CTNNA3: variants seen among roughly 807,000 people sequenced by gnomAD.
CTNNA3 encodes the protein catenin alpha 3.
CTNNA3 carries 76 observed loss-of-function variants against 95.7 expected under a neutral mutation model. The observed-to-expected ratio is 0.79, with a 90% confidence interval of 0.66 to 0.96. The LOEUF (loss-of-function observed/expected upper bound fraction) is 0.96. CTNNA3 is among the 40% of genes least tolerant of loss of function. CTNNA3 has a pLI of 0.00. For missense variants in CTNNA3, 1,191 were observed against 1,089.8 expected, an observed-to-expected ratio of 1.09 and a Z score of -1.31; for synonymous variants, 431 against 374.4, an observed-to-expected ratio of 1.15 and a Z score of -1.74.
chr10:66,918,725 T>G (rs10822941), intron 7 of CTNNA3, among the ~76,000 whole-genome samples: 48,683 of 152,150 alleles, frequency 0.32, 9,135 homozygotes, highest in East Asian at 0.47. Flanking sequence ...CTTGAAGAAC[T>G]TGTTAATTTT....
chr10:66,205,275 C>G (rs12764666), intron 13 of CTNNA3, among the ~76,000 whole-genome samples: 3 of 151,784 alleles, frequency 2.0e-5, no homozygotes, highest in African/African-American at 7.3e-5. Context: ...TGATGACACC[C>G]ATTTTTTTAA....
intron 11 of CTNNA3, among the ~76,000 whole-genome samples, chr10:66,432,766 T>C (rs1017358275): frequency 1.6e-4 from 24 of 152,014 alleles, no homozygotes; most frequent in African/African-American, 5.1e-4. Flanking sequence ...CAACTCATCA[T>C]CTACATCAGG....
chr10:67,517,815 T>C (rs989570800), intron 5 of CTNNA3, among the ~76,000 whole-genome samples: 1 of 152,162 alleles, frequency 6.6e-6, no homozygotes. Flanking sequence ...TGCTAGACTA[T>C]GTATGTCCAA....
At chr10:67,251,090 T>C (rs955613635) in intron 5 of CTNNA3, among the ~76,000 whole-genome samples, 2 of 152,160 alleles carry the variant, frequency 1.3e-5, no homozygotes, top group Admixed American at 1.3e-4. Flanking sequence ...TCAATGTCCA[T>C]CAACTGATGA....
intron 6 of CTNNA3, among the ~76,000 whole-genome samples, chr10:67,182,919 C>G (rs2132147199): frequency 6.6e-6 from 1 of 152,246 alleles, no homozygotes; most frequent in Non-Finnish European, 1.5e-5. Flanking sequence ...ATTTATGCAG[C>G]CAAAAGACAC....
At position 67,219,592 on chromosome 10, in the gene CTNNA3, T is replaced by C. The variant is rs970318838; in HGVS notation, c.843+15A>G. 12 of 1,605,868 alleles carry C rather than the reference T, an allele frequency of 7.5e-6. No homozygotes were observed. Among genetic ancestry groups the C allele is most frequent in the Non-Finnish European group, 9.4e-6 (11 of 1,174,780 alleles). On this transcript the variant is annotated intron_variant, in intron 6 of 17. Coordinates refer to ENST00000433211, the MANE Select transcript of CTNNA3 (RefSeq NM_013266.4). Reference sequence around the variant, plus strand: ...TTAGGACATCAGATCACACTTTATCTTTCTCCCGACTTACCTCCAGCTCAT... The same window carrying C: ...TTAGGACATCAGATCACACTTTATCCTTCTCCCGACTTACCTCCAGCTCAT...
intron 13 of CTNNA3, among the ~76,000 whole-genome samples, chr10:66,122,464 G>A (rs1308893199): frequency 6.6e-6 from 1 of 152,146 alleles, no homozygotes; most frequent in Non-Finnish European, 1.5e-5. Flanking sequence ...AATTCATGAT[G>A]TATAACAAAC....
intron 10 of CTNNA3, among the ~76,000 whole-genome samples, chr10:66,578,298 T>A (rs138631789): frequency 4.6e-4 from 70 of 152,144 alleles, no homozygotes; most frequent in African/African-American, 1.5e-3. Context: ...TCTATTTGGA[T>A]GCCTTTTATT....
intron 5 of CTNNA3, among the ~76,000 whole-genome samples, chr10:67,237,750 A>G (rs1220769756): frequency 1.3e-5 from 2 of 152,160 alleles, no homozygotes; most frequent in African/African-American, 4.8e-5. Context: ...AAGGTAGGCA[A>G]GAGACATTTC....
At chr10:66,711,315 A>G (rs1226931383) in intron 9 of CTNNA3, among the ~76,000 whole-genome samples, 1 of 151,632 alleles carries the variant, frequency 6.6e-6, no homozygotes, top group Non-Finnish European at 1.5e-5. Flanking sequence ...TAAACTCATC[A>G]TGACCTTTAG....
rs562946556 is a variant in CTNNA3 at position 66,691,921 on chromosome 10, C to T, written c.1282-70137G>A. ...AGGGTCCTGTCTGTTAGAAGGAAAA[C>T]TAACAAACAGAAAGGACATCCACAC... On this transcript the variant is annotated intron_variant, in intron 9 of 17. Coordinates refer to ENST00000433211, the MANE Select transcript of CTNNA3 (RefSeq NM_013266.4). 4.8e-3 allele frequency among the ~76,000 whole-genome samples: 709 copies of T among 148,750 alleles called. 5 individuals carry two copies. The highest frequency in any genetic ancestry group is 0.017 in the African/African-American group (668 of 39,426).
At chr10:66,531,391 T>C (rs1339099236) in intron 10 of CTNNA3, among the ~76,000 whole-genome samples, 1 of 37,012 alleles carries the variant, frequency 2.7e-5, no homozygotes, top group South Asian at 1.2e-3. Context: ...TTTGTTCGTT[T>C]GTTTGTTTGT....
chr10:66,138,975 A>T (rs2083479256), intron 13 of CTNNA3, among the ~76,000 whole-genome samples: 1 of 152,166 alleles, frequency 6.6e-6, no homozygotes, highest in African/African-American at 2.4e-5. Flanking sequence ...TTTCTTCACA[A>T]TTTCAAATTT....
At chr10:66,259,640 T>A (rs1173557764) in intron 13 of CTNNA3, among the ~76,000 whole-genome samples, 1 of 152,178 alleles carries the variant, frequency 6.6e-6, no homozygotes, top group Non-Finnish European at 1.5e-5. Flanking sequence ...TAGCTCCAGA[T>A]TCTTTAGAGA....
At chr10:66,227,949 T>A (rs1343356317) in intron 13 of CTNNA3, among the ~76,000 whole-genome samples, 1 of 152,154 alleles carries the variant, frequency 6.6e-6, no homozygotes, top group African/African-American at 2.4e-5. Context: ...GTTTTCCAAT[T>A]TATTGGCATA....
intron 1 of CTNNA3, among the ~76,000 whole-genome samples, chr10:67,703,210 G>A (rs1589576257): frequency 6.6e-6 from 1 of 152,102 alleles, no homozygotes; most frequent in East Asian, 1.9e-4. Flanking sequence ...AACAGGAGCT[G>A]GTACCATTCC....
intron 10 of CTNNA3, among the ~76,000 whole-genome samples, chr10:66,599,978 T>A (rs1843862959): frequency 6.6e-6 from 1 of 151,930 alleles, no homozygotes; most frequent in Non-Finnish European, 1.5e-5. Flanking sequence ...GCTAATAACT[T>A]GCCAGATTAG....
intron 15 of CTNNA3, among the ~76,000 whole-genome samples, chr10:66,061,871 T>G (rs962950384): frequency 6.6e-6 from 1 of 152,142 alleles, no homozygotes; most frequent in Non-Finnish European, 1.5e-5. Flanking sequence ...GATTGAACAT[T>G]TAACAGTTTA....
At position 66,644,872 on chromosome 10, in the gene CTNNA3, G is replaced by T. The variant is rs139520743; in HGVS notation, c.1282-23088C>A. On this transcript the variant is annotated intron_variant, in intron 9 of 17. Coordinates refer to ENST00000433211, the MANE Select transcript of CTNNA3 (RefSeq NM_013266.4). Reference sequence around the variant, plus strand: ...CCCACACCACAAGAGTATTCATGTTGCCTTTTTATAACTATATCCATCTCC... The same window carrying T: ...CCCACACCACAAGAGTATTCATGTTTCCTTTTTATAACTATATCCATCTCC... 3.5e-3 allele frequency among the ~76,000 whole-genome samples: 529 copies of T among 152,180 alleles called. 5 individuals carry two copies. Among genetic ancestry groups the T allele is most frequent in the African/African-American group, 0.012 (515 of 41,530 alleles).
Sources: gnomAD v4.1 joint callset for allele counts (sites outside exome capture counted in the v4.1 genomes callset) on GRCh38, gnomAD v4.1.1 for gene constraint, MANE v1.5 for transcripts, NCBI Gene and HGNC (gene_info 2026-07-23, HGNC 2026-07-21) for gene names.